The following ADRA1A variants were observed in gnomAD, a reference collection of about 807,000 sequenced individuals.
ADRA1A encodes the protein alpha-1A adrenergic receptor.
A neutral mutation model predicts 29.6 loss-of-function variants in ADRA1A; 31 were observed. The observed-to-expected ratio is 1.05, with a 90% CI of 0.79 to 1.41. The LOEUF is 1.41. Ranked by LOEUF, ADRA1A falls within the 40% of genes most tolerant of loss-of-function variation. ADRA1A has a pLI of 0.00. For missense variants in ADRA1A, 619 were observed against 601.1 expected (o/e 1.03, Z -0.31); for synonymous variants, 311 against 254.3 (o/e 1.22, Z -2.12).
chr8:26,770,262 A>G lies in ADRA1A; in HGVS notation c.1288T>C (p.Leu430=), dbSNP rs1806037714. 6.2e-7 allele frequency: 1 copy of G among 1,614,126 alleles called. No individual in the cohort carries two copies. The highest frequency in any genetic ancestry group is 1.1e-5 in the South Asian group (1 of 91,080). Residue 430 remains leucine, a synonymous_variant, in exon 3 of 3, where the codon TTG becomes CTG. Transcript: ENST00000380573. The part of the protein sequence containing the change: ...TTARVRSKSF[L]QVCCCVGPST... ...GGCCCTACACAGCAGCAGACCTGCA[A>G]AAAGCTTTTACTTCTCACCCGGGCT... is the stretch of plus-strand genomic sequence containing the variant.
chr8:26,836,168 G>A, intron 2 of ADRA1A: 1 of 242,686 alleles, frequency 4.1e-6, no homozygotes, highest in Admixed American at 4.2e-5. Flanking sequence ...TAGTCTGGTT[G>A]GGGAAGCGTC....
At chr8:26,854,077 T>C (rs891149682) in intron 2 of ADRA1A, 1 of 152,282 alleles carries the variant, frequency 6.6e-6, no homozygotes, top group East Asian at 1.9e-4. Context: ...GATGCCACTC[T>C]GGAAAGGAGG....
chr8:26,770,876 G>A (rs1390948084), intron 2 of ADRA1A, among the ~76,000 whole-genome samples: 2 of 152,196 alleles, frequency 1.3e-5, no homozygotes, highest in African/African-American at 4.8e-5. Context: ...GTCCGCGTGT[G>A]TCATTAATTA....
intron 2 of ADRA1A, among the ~76,000 whole-genome samples, chr8:26,799,680 T>C (rs1660467656): frequency 6.6e-6 from 1 of 152,194 alleles, no homozygotes; most frequent in African/African-American, 2.4e-5. Flanking sequence ...CTACTGTAGC[T>C]TGTTTCACCT....
At position 26,842,526 on chromosome 8, in the gene ADRA1A, C is replaced by T. The variant is rs189852046; in HGVS notation, c.883+21561G>A. Among the ~76,000 whole-genome samples, 11 of 152,232 alleles carry T rather than the reference C, an allele frequency of 7.2e-5. No homozygotes were observed. In the East Asian group the frequency reaches 2.1e-3, roughly 29 times the overall value. On this transcript the variant is annotated intron_variant, in intron 2 of 2. Transcript: ENST00000380573. Reference sequence around the variant, plus strand: ...ACCTGCCTTGAAATATCCCTGTTCTCTCCCCGACCTTCTGTATTTTACTGC... The same window carrying T: ...ACCTGCCTTGAAATATCCCTGTTCTTTCCCCGACCTTCTGTATTTTACTGC...
At chr8:26,811,208 G>A (rs34812803) in intron 2 of ADRA1A, among the ~76,000 whole-genome samples, 2 of 130,254 alleles carry the variant, frequency 1.5e-5, no homozygotes, top group South Asian at 2.4e-4. Context: ...TTTTTTTTTT[G>A]TTGAGACGGA....
chr8:26,835,311 T>C (rs1350468691), intron 2 of ADRA1A, among the ~76,000 whole-genome samples: 1 of 152,208 alleles, frequency 6.6e-6, no homozygotes, highest in African/African-American at 2.4e-5. Context: ...TTTGAGGTAG[T>C]TGGGGCAGTT....
chr8:26,754,331 G>A (rs927956102), downstream of ADRA1A, among the ~76,000 whole-genome samples: 6 of 152,128 alleles, frequency 3.9e-5, 1 homozygote, highest in Middle Eastern at 0.01. Flanking sequence ...AGTATAGCGT[G>A]CATACCAAAC....
chr8:26,800,177 T>C (rs575146994), intron 2 of ADRA1A, among the ~76,000 whole-genome samples: 9 of 152,240 alleles, frequency 5.9e-5, no homozygotes, highest in African/African-American at 2.2e-4. Context: ...GAGAATTGCT[T>C]GAACCTAGGA....
chr8:26,769,761 T>A lies in ADRA1A; in HGVS notation c.*388A>T, dbSNP rs1806001681. ...GAGCCTGAAAATAAAATCCCCTCACTTCCATCAAGAAATAGCTCCAAACTT... is the reference window on the plus strand; with the variant it reads ...GAGCCTGAAAATAAAATCCCCTCACATCCATCAAGAAATAGCTCCAAACTT... On this transcript the variant is annotated 3_prime_UTR_variant, in exon 3 of 3. Transcript: ENST00000380573. 1 of 995,556 alleles carries A rather than the reference T, an allele frequency of 1.0e-6. No homozygotes were observed. The highest frequency in any genetic ancestry group is 5.9e-5 in the Admixed American group (1 of 16,870). The allele number at this position is 995,556 out of a possible 1,614,324, so 61.7% of individuals were successfully genotyped here. A position where few individuals can be genotyped will look rare whatever the true frequency, so the allele number is the denominator to read the frequency against.
At chr8:26,834,516 C>T (rs535731542) in intron 2 of ADRA1A, among the ~76,000 whole-genome samples, 1 of 152,328 alleles carries the variant, frequency 6.6e-6, no homozygotes, top group East Asian at 1.9e-4. Context: ...GCTGATTATT[C>T]AGCCATTTCT....
intron 2 of ADRA1A, among the ~76,000 whole-genome samples, chr8:26,833,028 G>A (rs1473456744): frequency 2.6e-5 from 4 of 152,208 alleles, no homozygotes. Flanking sequence ...AGCGCCCATT[G>A]CACGGGTGCA....
intron 2 of ADRA1A, among the ~76,000 whole-genome samples, chr8:26,804,134 C>T (rs1320096438): frequency 6.6e-6 from 1 of 152,078 alleles, no homozygotes; most frequent in Non-Finnish European, 1.5e-5. Context: ...GTTGTCCAGG[C>T]TGGTCTCAAA....
At position 26,864,930 on chromosome 8, in the gene ADRA1A, A is replaced by C. The variant is rs754001123; in HGVS notation, c.40T>G (p.Cys14Gly). ...TTCACCGGTGCCGGCGGTTGGGTGCAGTTGGAGCTGTCGGAAGCATTTCCC... is the reference window on the plus strand; with the variant it reads ...TTCACCGGTGCCGGCGGTTGGGTGCCGTTGGAGCTGTCGGAAGCATTTCCC... ...LSGNASDSSN[C>G]TQPPAPVNIS... is the part of the protein sequence containing the mutation. The change falls in exon 2 of 3, where the codon TGC becomes GGC. Residue 14 changes from cysteine (C) to glycine (G), a missense_variant. Cys to Gly is a radical substitution (Grantham distance 159). Coordinates refer to ENST00000380573, the MANE Select transcript of ADRA1A (RefSeq NM_000680.4). This position sits in a 1 kb window ranked among gnomAD's most constrained non-coding sequence, Gnocchi z 8.1. 4 of 1,612,554 alleles carry C rather than the reference A, an allele frequency of 2.5e-6. No homozygotes were observed. Among genetic ancestry groups the C allele is most frequent in the East Asian group, 2.2e-5 (1 of 44,858 alleles).
chr8:26,766,185 G>T, downstream of ADRA1A: 2 of 1,294,824 alleles, frequency 1.5e-6, no homozygotes, highest in African/African-American at 1.5e-5. Context: ...ATACAGGTGA[G>T]TGAGAGTGAG....
chr8:26,863,135 T>C (rs1388275823), intron 2 of ADRA1A, among the ~76,000 whole-genome samples: 1 of 152,226 alleles, frequency 6.6e-6, no homozygotes, highest in Non-Finnish European at 1.5e-5. Context: ...TTAGGCATAA[T>C]GTTTTGTTTT....
rs973010665 is a variant in ADRA1A at position 26,821,472 on chromosome 8, G to C, written c.883+42615C>G. Reference sequence around the variant, plus strand: ...GAACTGAGAACTCACTTTTCACCACGGAGATGGTGTTAAGCCATTCATGAG... The same window carrying C: ...GAACTGAGAACTCACTTTTCACCACCGAGATGGTGTTAAGCCATTCATGAG... On this transcript the variant is annotated intron_variant, in intron 2 of 2. Coordinates refer to ENST00000380573, the MANE Select transcript of ADRA1A (RefSeq NM_000680.4). This position sits in a 1 kb window ranked among gnomAD's most constrained non-coding sequence, Gnocchi z 5.6. 6.6e-6 allele frequency among the ~76,000 whole-genome samples: 1 copy of C among 152,040 alleles called. No homozygotes were observed. The highest frequency in any genetic ancestry group is 2.4e-5 in the African/African-American group (1 of 41,396).
chr8:26,772,370 T>C (rs1159345014), intron 2 of ADRA1A, among the ~76,000 whole-genome samples: 2 of 152,204 alleles, frequency 1.3e-5, no homozygotes, highest in African/African-American at 4.8e-5. Flanking sequence ...TTCAGAGAAA[T>C]TGCAAAATAA....
chr8:26,760,395 A>G (rs750942887), intron 2 of ADRA1A, among the ~76,000 whole-genome samples: 1 of 152,132 alleles, frequency 6.6e-6, no homozygotes, highest in Non-Finnish European at 1.5e-5. Flanking sequence ...AAATTAAGAG[A>G]GCTTTTAGCA....
Sources: gnomAD v4.1 joint callset for allele counts (sites outside exome capture counted in the v4.1 genomes callset) on GRCh38, gnomAD v4.1.1 for gene constraint, Gnocchi (gnomAD v3.1) non-coding constraint, MANE v1.5 for transcripts, NCBI Gene and HGNC (gene_info 2026-07-23, HGNC 2026-07-21) for gene names.